The following UGT3A1 variants were observed in gnomAD, a reference collection of about 807,000 sequenced individuals.
UGT3A1 encodes UDP-glycosyltransferase 3A1.
A neutral mutation model predicts 37.6 loss-of-function variants in UGT3A1; 40 were observed. The ratio of observed to expected loss-of-function variants is 1.06; its 90% CI spans 0.83 to 1.38. The LOEUF (loss-of-function observed/expected upper bound fraction) is 1.38, where lower values mean the gene tolerates loss of function less well. UGT3A1 is among the 40% of genes most tolerant of loss of function. UGT3A1 has a pLI of 0.00. For missense variants in UGT3A1, 642 were observed against 634.2 expected (o/e 1.01, Z -0.13); for synonymous variants, 256 against 232.3 (o/e 1.10, Z -0.93).
At chr5:35,996,586 T>C (rs1263705847) in intron 2 of UGT3A1, among the ~76,000 whole-genome samples, 2 of 152,250 alleles carry the variant, frequency 1.3e-5, no homozygotes, top group Non-Finnish European at 2.9e-5. Flanking sequence ...GGGGCCCCTG[T>C]CAATCTTTTG....
At chr5:35,998,972 C>T (rs1741158388) in intron 1 of UGT3A1, among the ~76,000 whole-genome samples, 2 of 152,152 alleles carry the variant, frequency 1.3e-5, no homozygotes, top group African/African-American at 2.4e-5. Context: ...CGCGGTGGCT[C>T]ACGCCTGTAA....
intron 2 of UGT3A1, among the ~76,000 whole-genome samples, chr5:35,973,161 A>G (rs866099426): frequency 6.6e-6 from 1 of 152,208 alleles, no homozygotes; most frequent in African/African-American, 2.4e-5. Flanking sequence ...GGAGAAGTTA[A>G]TCTCTTTTGC....
Position 35,965,392 on chromosome 5 carries a change from T to G in UGT3A1, c.837A>C (p.Val279=), listed in dbSNP as rs376471246. 1.2e-6 allele frequency: 2 copies of G among 1,613,696 alleles called. No individual in the cohort carries two copies. Among genetic ancestry groups the G allele is most frequent in the South Asian group, 1.1e-5 (1 of 91,054 alleles). Residue 279 remains valine (V), a synonymous_variant, in exon 4 of 7, where the codon GTA becomes GTC. Coordinates refer to ENST00000274278, the MANE Select transcript of UGT3A1 (RefSeq NM_152404.4). ...ATGCTGAGGGTTCACTTACTTGTGG[T>G]ACTGGTTTAATAGGTTTTTCCATCA... is the stretch of plus-strand genomic sequence containing the variant. ...GGLMEKPIKP[V]PQDLDNFIAN...
chr5:35,965,006 C>T (rs1739741009), intron 4 of UGT3A1, among the ~76,000 whole-genome samples: 1 of 152,248 alleles, frequency 6.6e-6, no homozygotes, highest in African/African-American at 2.4e-5. Flanking sequence ...TTGTCTGTTT[C>T]ACTGTGAGTA....
At chr5:35,995,309 C>T (rs1163474657), upstream of UGT3A1, among the ~76,000 whole-genome samples, 1 of 152,196 alleles carries the variant, frequency 6.6e-6, no homozygotes, top group Non-Finnish European at 1.5e-5. Flanking sequence ...CCAATGGCAG[C>T]ATCTCATCTG....
chr5:35,956,683 G>A (rs980646220), intron 5 of UGT3A1, among the ~76,000 whole-genome samples: 2 of 152,184 alleles, frequency 1.3e-5, no homozygotes, highest in Admixed American at 1.3e-4. Flanking sequence ...TTCAGATAAT[G>A]TTGGCATCAA....
At chr5:35,970,541 G>T (rs1225052704) in intron 2 of UGT3A1, among the ~76,000 whole-genome samples, 2 of 152,130 alleles carry the variant, frequency 1.3e-5, no homozygotes, top group African/African-American at 4.8e-5. Flanking sequence ...TGGGGACACA[G>T]CCAAACCATA....
intron 2 of UGT3A1, among the ~76,000 whole-genome samples, chr5:35,968,859 C>T (rs1029597390): frequency 3.9e-5 from 6 of 152,178 alleles, no homozygotes; most frequent in African/African-American, 1.2e-4. Context: ...GAATCCTCAC[C>T]TCAATTCAAG....
intron 2 of UGT3A1, among the ~76,000 whole-genome samples, chr5:35,976,912 A>G (rs117244575): frequency 3.5e-5 from 4 of 114,940 alleles, no homozygotes; most frequent in African/African-American, 5.8e-5. Context: ...AAGGAAGGAG[A>G]GAGAGAAAGA....
At chr5:35,977,465 A>G (rs1399647763) in intron 2 of UGT3A1, among the ~76,000 whole-genome samples, 1 of 152,208 alleles carries the variant, frequency 6.6e-6, no homozygotes, top group African/African-American at 2.4e-5. Flanking sequence ...CAGATACCTC[A>G]TGGACAGCTT....
chr5:35,980,878 T>C (rs1407853350), intron 2 of UGT3A1, among the ~76,000 whole-genome samples: 2 of 152,240 alleles, frequency 1.3e-5, no homozygotes, highest in Non-Finnish European at 1.5e-5. Context: ...ACACCACTTA[T>C]AAAGAGAAAA....
chr5:35,977,278 G>A (rs1260313525), intron 2 of UGT3A1, among the ~76,000 whole-genome samples: 2 of 152,068 alleles, frequency 1.3e-5, no homozygotes, highest in African/African-American at 4.8e-5. Context: ...TTTTAGTAAC[G>A]AATACAATAG....
intron 2 of UGT3A1, among the ~76,000 whole-genome samples, chr5:35,987,841 C>T (rs932040372): frequency 2.0e-5 from 3 of 152,278 alleles, no homozygotes; most frequent in African/African-American, 7.2e-5. Flanking sequence ...CCTGGACCTC[C>T]GTCTCCTTGT....
Position 35,963,066 on chromosome 5 carries a change from G to T in UGT3A1, c.843+2320C>A, listed in dbSNP as rs1199397019. 4 of 634,952 alleles carry T rather than the reference G, an allele frequency of 6.3e-6. No individual in the cohort carries two copies. In the African/African-American group the frequency reaches 7.2e-5, roughly 11 times the overall value. The allele number at this position is 634,952 out of a possible 1,614,324, so 39.3% of individuals were successfully genotyped here. A position where few individuals can be genotyped will look rare whatever the true frequency, so the allele number is the denominator to read the frequency against. Reference sequence around the variant, plus strand: ...TTTCTCTTCCATCTGTTGTCCCTGAGTCCTGGCAACTTTATGGATGCCACC... The same window carrying T: ...TTTCTCTTCCATCTGTTGTCCCTGATTCCTGGCAACTTTATGGATGCCACC... On this transcript the variant is annotated intron_variant, in intron 4 of 6. Coordinates refer to ENST00000274278, the MANE Select transcript of UGT3A1 (RefSeq NM_152404.4).
intron 1 of UGT3A1, among the ~76,000 whole-genome samples, chr5:36,000,688 T>C (rs904150865): frequency 3.3e-5 from 5 of 152,236 alleles, no homozygotes; most frequent in African/African-American, 7.2e-5. Flanking sequence ...CAGGCATGTA[T>C]ACAAAGGAAT....
intron 2 of UGT3A1, among the ~76,000 whole-genome samples, chr5:35,988,015 A>G (rs1740791854): frequency 6.6e-6 from 1 of 152,226 alleles, no homozygotes; most frequent in African/African-American, 2.4e-5. Flanking sequence ...TTAATAATTA[A>G]GAGGCTCCCT....
At chr5:35,992,408 G>A (rs2111566501), upstream of UGT3A1, among the ~76,000 whole-genome samples, 1 of 152,150 alleles carries the variant, frequency 6.6e-6, no homozygotes, top group Non-Finnish European at 1.5e-5. Flanking sequence ...GGGAGAAGGG[G>A]AAAGAGAAGT....
At chr5:35,994,865 T>C (rs1007060022), upstream of UGT3A1, among the ~76,000 whole-genome samples, 4 of 152,210 alleles carry the variant, frequency 2.6e-5, no homozygotes, top group Non-Finnish European at 5.9e-5. Context: ...CGGATGGGTA[T>C]TGTGGCAAAT....
At chr5:35,974,680 G>T (rs1169351902) in intron 2 of UGT3A1, among the ~76,000 whole-genome samples, 23 of 152,130 alleles carry the variant, frequency 1.5e-4, no homozygotes, top group Admixed American at 1.4e-3. Flanking sequence ...GAGCAAATTA[G>T]CACAATCCCT....
Sources: allele counts gnomAD v4.1 joint callset (sites outside exome capture counted in the v4.1 genomes callset), GRCh38; gene constraint gnomAD v4.1.1; transcripts MANE v1.5; gene names NCBI Gene and HGNC (gene_info 2026-07-23, HGNC 2026-07-21).